ATAD2: variants seen among roughly 807,000 people sequenced by gnomAD.
The protein encoded by ATAD2 is ATPase family AAA domain containing 2.
Under a neutral mutation model 168.9 loss-of-function variants are expected in ATAD2, and 62 were observed. The ratio of observed to expected loss-of-function variants is 0.37; its 90% CI spans 0.30 to 0.45. ATAD2 has a LOEUF of 0.45. ATAD2 is among the 20% of genes least tolerant of loss of function. The pLI is 1.00. For missense variants in ATAD2, 1,419 were observed against 1,667.8 expected (o/e 0.85, Z 2.60); for synonymous variants, 613 against 571.6 (o/e 1.07, Z -1.03).
chr8:123,327,244 T>C (rs1200840712), intron 25 of ATAD2, among the ~76,000 whole-genome samples: 1 of 152,174 alleles, frequency 6.6e-6, no homozygotes, highest in Non-Finnish European at 1.5e-5. Context: ...CTAATTGTTG[T>C]GAGAGCCAGG....
At chr8:123,354,837 C>CAAAAAAA (rs71310668) in intron 13 of ATAD2, among the ~76,000 whole-genome samples, 2 of 22,790 alleles carry the variant, frequency 8.8e-5, no homozygotes, top group African/African-American at 6.0e-4. Flanking sequence ...GACTCTGTCT[C>CAAAAAAA]AAAAAAAAAA....
intron 2 of ATAD2, among the ~76,000 whole-genome samples, chr8:123,375,259 T>C (rs1040046856): frequency 6.6e-6 from 1 of 152,154 alleles, no homozygotes; most frequent in Non-Finnish European, 1.5e-5. Flanking sequence ...GACATACAAA[T>C]GGCCAATAAG....
intron 8 of ATAD2, among the ~76,000 whole-genome samples, chr8:123,365,542 T>C (rs1454316585): frequency 1.3e-5 from 2 of 152,136 alleles, no homozygotes; most frequent in Non-Finnish European, 1.5e-5. Flanking sequence ...TATAAGGCCA[T>C]AGTCACCAAA....
Position 123,369,059 on chromosome 8 carries a change from T to A in ATAD2, c.1048A>T (p.Arg350Trp). 1 of 1,552,924 alleles carries A rather than the reference T, an allele frequency of 6.4e-7. No individual in the cohort carries two copies. Among genetic ancestry groups the A allele is most frequent in the Non-Finnish European group, 8.8e-7 (1 of 1,132,898 alleles). The change falls in exon 8 of 28, where the codon AGG becomes TGG. Residue 350 changes from arginine to tryptophan, a missense_variant and splice_region_variant. Physicochemically the swap from Arg to Trp is moderately radical, Grantham distance 101. This residue lies in a region of ATAD2 where 146 missense variants were observed against 188.3 expected (regional missense o/e 0.78). Coordinates refer to ENST00000287394, the MANE Select transcript of ATAD2 (RefSeq NM_014109.4). Reference protein sequence around the residue: ...PRSPYCKRMNRRRHAIHSSDS... With the variant: ...PRSPYCKRMNWRRHAIHSSDS... ...TCAATCACTATATCAGAACCAAACC[T>A]GTTCATTCGTTTACAGTAAGGACTT...
chr8:123,409,269 C>T (rs1813117875), intron 1 of ATAD2, among the ~76,000 whole-genome samples: 1 of 152,124 alleles, frequency 6.6e-6, no homozygotes, highest in Admixed American at 6.6e-5. Flanking sequence ...TGCTTCCCAC[C>T]CCAATATAAT....
At chr8:123,344,204 A>ATTAT (rs1828154015) in intron 19 of ATAD2, among the ~76,000 whole-genome samples, 1 of 152,164 alleles carries the variant, frequency 6.6e-6, no homozygotes, top group Admixed American at 6.5e-5. Flanking sequence ...GGATAAATAA[A>ATTAT]TTATAGTACA....
At chr8:123,332,736 A>T (rs541609772) in intron 24 of ATAD2, among the ~76,000 whole-genome samples, 1 of 152,310 alleles carries the variant, frequency 6.6e-6, no homozygotes, top group Admixed American at 6.5e-5. Flanking sequence ...CCAACCTAAT[A>T]TTATGAATAT....
At chr8:123,357,933 A>C (rs1489981070) in intron 11 of ATAD2, among the ~76,000 whole-genome samples, 197 bp from the exon 12 acceptor site, 5 of 152,238 alleles carry the variant, frequency 3.3e-5, no homozygotes, top group Non-Finnish European at 7.3e-5. Flanking sequence ...ATTAATATTG[A>C]AACTGTAAAT....
intron 10 of ATAD2, 48 bp from the exon 11 acceptor site, chr8:123,359,384 T>A (rs1192370218): frequency 2.1e-6 from 3 of 1,416,518 alleles, no homozygotes; most frequent in Non-Finnish European, 3.0e-6. Flanking sequence ...GAGTCCAGAT[T>A]AAAATGTCAC....
upstream of ATAD2, chr8:123,400,684 A>T: frequency 1.4e-6 from 1 of 737,862 alleles, no homozygotes; most frequent in East Asian, 2.5e-5. This position sits in a 1 kb window ranked among gnomAD's most constrained non-coding sequence, Gnocchi z 4.5. Context: ...CGAGTTCCTG[A>T]TTCTCCCAGG....
intron 24 of ATAD2, among the ~76,000 whole-genome samples, chr8:123,330,548 G>A (rs540977028): frequency 6.6e-6 from 1 of 152,154 alleles, no homozygotes; most frequent in East Asian, 1.9e-4. Context: ...ATTTTTAGTA[G>A]TGATGGGGTT....
intron 2 of ATAD2, among the ~76,000 whole-genome samples, chr8:123,374,239 C>T (rs1829239583): frequency 6.6e-6 from 1 of 152,038 alleles, no homozygotes; most frequent in African/African-American, 2.4e-5. Flanking sequence ...TGTAGTCCCA[C>T]CTACTCAAGA....
In ATAD2 at chr8:123,411,870, C is replaced by T. The variant is rs78595744; in HGVS notation, c.-2282+4378G>A. On this transcript the variant is annotated intron_variant, in intron 1 of 28. Transcript: ENST00000521903. ...AATATGGCAGATTAGAAACTGCTGG[C>T]TATCTCTCAGTATGCATTCTCCCCT... Among the ~76,000 whole-genome samples, 13 of 152,254 alleles carry T rather than the reference C, an allele frequency of 8.5e-5. No homozygotes were observed. The East Asian group carries it at 2.5e-3, about 29-fold the overall frequency.
upstream of ATAD2, chr8:123,400,675 G>A (rs909678306): frequency 8.2e-6 from 6 of 729,186 alleles, no homozygotes; most frequent in Admixed American, 3.5e-5. The surrounding 1 kb of genome is among the most constrained non-coding windows in gnomAD (Gnocchi z 4.5). Flanking sequence ...CACCTACAAC[G>A]AGTTCCTGAT....
At chr8:123,388,355 C>T (rs1339310832) in intron 1 of ATAD2, among the ~76,000 whole-genome samples, 5 of 152,148 alleles carry the variant, frequency 3.3e-5, no homozygotes, top group Non-Finnish European at 7.3e-5. Flanking sequence ...TGTGCCACCA[C>T]GCCTGGCTAC....
At chr8:123,365,464 T>C (rs926265101) in intron 8 of ATAD2, among the ~76,000 whole-genome samples, 1 of 152,162 alleles carries the variant, frequency 6.6e-6, no homozygotes, top group Non-Finnish European at 1.5e-5. Flanking sequence ...AAAGCCTGCA[T>C]AGCCAAAGCA....
At chr8:123,329,053 G>A (rs1387102980) in intron 24 of ATAD2, among the ~76,000 whole-genome samples, 10 of 151,838 alleles carry the variant, frequency 6.6e-5, no homozygotes, top group African/African-American at 2.2e-4. Context: ...CGCCCGCCTC[G>A]GCCTCCCAAA....
In ATAD2 at chr8:123,339,427, C is replaced by T. The variant is rs150236323; in HGVS notation, c.2738G>A (p.Arg913His). The change falls in exon 20 of 28, where the codon CGT becomes CAT. Residue 913 changes from arginine to histidine, a missense_variant. Around this residue, in one of 5 missense-constraint regions of ATAD2, gnomAD observed 545 missense variants for 724.9 expected, o/e 0.75. Coordinates refer to ENST00000287394, the MANE Select transcript of ATAD2 (RefSeq NM_014109.4). ...LPEEVQELFI[R>H]DYGEIFNVQL... ...GACATTAAAAATCTCTCCATAATCACGGATAAACAATTCTTGCACCTTAAA... is the reference window on the plus strand; with the variant it reads ...GACATTAAAAATCTCTCCATAATCATGGATAAACAATTCTTGCACCTTAAA... 2.1e-4 allele frequency: 334 copies of T among 1,592,222 alleles called. No homozygotes were observed. The highest frequency in any genetic ancestry group is 2.6e-4 in the Non-Finnish European group (308 of 1,170,520).
At position 123,380,605 on chromosome 8, in the gene ATAD2, G is replaced by C. The variant is rs1169184838; in HGVS notation, c.244C>G (p.Gln82Glu). ...TCAAAACTAGAATCTGAAGAATTCT[G>C]TGCATCTTTTCTCAAAGATCTTAAA... ...RALRSLRKDA[Q>E]NSSDSSFEKN... The change falls in exon 2 of 28, where the codon CAG becomes GAG. Residue 82 changes from glutamine to glutamate, a missense_variant. Transcript: ENST00000287394. 4 of 1,613,926 alleles carry C rather than the reference G, an allele frequency of 2.5e-6. No homozygotes were observed. The South Asian group carries it at 3.3e-5, about 13-fold the overall frequency.
Sources: allele counts gnomAD v4.1 joint callset (sites outside exome capture counted in the v4.1 genomes callset), GRCh38; gene constraint gnomAD v4.1.1; regional missense constraint gnomAD v4.1.1; non-coding constraint Gnocchi (gnomAD v3.1); transcripts MANE v1.5; gene names NCBI Gene and HGNC (gene_info 2026-07-23, HGNC 2026-07-21).